THBS3: variants seen among roughly 807,000 people sequenced by gnomAD.
The protein encoded by THBS3 is thrombospondin-3.
Under a neutral mutation model 118.3 loss-of-function variants are expected in THBS3, and 78 were observed. That is an observed-to-expected ratio of 0.66 (90% CI 0.55 to 0.80). The LOEUF is 0.80. Ranked by LOEUF, THBS3 falls within the 30% of genes least tolerant of loss-of-function variation. The probability of loss-of-function intolerance (pLI) is 0.00; values close to 1 mark genes in which losing one functional copy is unlikely to be tolerated. For missense variants in THBS3, 1,057 were observed against 1,247.4 expected (o/e 0.85, Z 2.30); for synonymous variants, 427 against 475.3 (o/e 0.90, Z 1.32).
chr1:155,202,760 T>G lies in THBS3; in HGVS notation c.957+52A>C. The G allele has an allele frequency of 6.4e-7, 1 of 1,566,084 alleles. No individual in the cohort carries two copies. Among genetic ancestry groups the G allele is most frequent in the Non-Finnish European group, 8.7e-7 (1 of 1,154,568 alleles). On this transcript the variant is annotated intron_variant, in intron 8 of 22. Transcript: ENST00000368378. This position sits in a 1 kb window ranked among gnomAD's most constrained non-coding sequence, Gnocchi z 5.5. ...TTATCCCACCCTCTTGGGTGCCTCC[T>G]GACATCCTCACCCCAGTTTTCTGTA...
intron 16 of THBS3, among the ~76,000 whole-genome samples, 174 bp downstream of exon 16, chr1:155,199,630 T>C (rs1366192410): frequency 6.6e-6 from 1 of 151,814 alleles, no homozygotes; most frequent in Non-Finnish European, 1.5e-5. Flanking sequence ...AGCACATGCC[T>C]GTAATCCTAG....
intron 1 of THBS3, among the ~76,000 whole-genome samples, chr1:155,207,010 C>T (rs368736172): frequency 1.3e-5 from 2 of 152,276 alleles, no homozygotes; most frequent in East Asian, 1.9e-4. Flanking sequence ...TTTGAGATGC[C>T]CCCACCAGGT....
intron 4 of THBS3, 46 bp from the exon 5 acceptor site, chr1:155,203,585 A>G (rs767157904): frequency 6.2e-7 from 1 of 1,609,846 alleles, no homozygotes; most frequent in Admixed American, 1.7e-5. Flanking sequence ...GGTGAAGTGA[A>G]GAGAGGCCTG....
In THBS3 at chr1:155,198,483, C is replaced by A; in HGVS notation, c.2000G>T (p.Gly667Val). The A allele has an allele frequency of 6.2e-7, 1 of 1,614,152 alleles. No individual in the cohort carries two copies. Among genetic ancestry groups the A allele is most frequent in the Non-Finnish European group, 8.5e-7 (1 of 1,180,018 alleles). Residue 667 changes from glycine (G) to valine (V), a missense_variant, in exon 17 of 23, where the codon GGC (glycine) becomes GTC (valine). Around this residue, in one of 3 missense-constraint regions of THBS3, gnomAD observed 544 missense variants for 715.6 expected, o/e 0.76. Coordinates refer to ENST00000368378, the MANE Select transcript of THBS3 (RefSeq NM_007112.5). ...ACCAGGAGGCACATAATCTGGGATG[C>A]CATCATTGTCATCATCCCCATCACA... Reference protein sequence around the residue: ...DECDGDDDNDGIPDYVPPGPD... With the variant: ...DECDGDDDNDVIPDYVPPGPD...
At chr1:155,198,874 C>T in intron 16 of THBS3, 1 of 365,742 alleles carries the variant, frequency 2.7e-6, no homozygotes, top group Admixed American at 4.3e-5. Context: ...ATTCCCAGTA[C>T]TTTGGGAGGC....
chr1:155,195,712 C>T lies in THBS3; in HGVS notation c.*129G>A. On this transcript the variant is annotated 3_prime_UTR_variant, in exon 23 of 23. Transcript: ENST00000368378. Reference sequence around the variant, plus strand: ...GGGTGACCACCCCTCTGGGACTGAACTCCTTTTGGGAGCCAGAGAAGGGTC... The same window carrying T: ...GGGTGACCACCCCTCTGGGACTGAATTCCTTTTGGGAGCCAGAGAAGGGTC... 9.8e-7 allele frequency: 1 copy of T among 1,022,112 alleles called. No individual in the cohort carries two copies. Among genetic ancestry groups the T allele is most frequent in the Non-Finnish European group, 1.5e-6 (1 of 686,696 alleles). 63.3% of individuals were successfully genotyped at this position (1,022,112 alleles called of 1,614,324 possible). A position where few individuals can be genotyped will look rare whatever the true frequency, so the allele number is the denominator to read the frequency against.
chr1:155,198,180 A>G lies in THBS3; in HGVS notation c.2115T>C (p.Asn705=), dbSNP rs1669012678. 6.2e-7 allele frequency: 1 copy of G among 1,614,164 alleles called. No individual in the cohort carries two copies. Among genetic ancestry groups the G allele is most frequent in the African/African-American group, 1.3e-5 (1 of 75,062 alleles). ...CATCCAGGGGGTCGACCACAGCATC[A>G]TTGTCAAAGTCATCCTCACACACAT... ...VGDVCEDDFD[N]DAVVDPLDVC... Residue 705 remains asparagine, a synonymous_variant, in exon 18 of 23, where the codon AAT becomes AAC. Coordinates refer to ENST00000368378, the MANE Select transcript of THBS3 (RefSeq NM_007112.5).
chr1:155,198,269 T>C (rs1053571200), intron 17 of THBS3, 49 bp from the exon 18 acceptor site: 1 of 1,605,838 alleles, frequency 6.2e-7, no homozygotes, highest in African/African-American at 1.3e-5. Context: ...CCACTGCCAT[T>C]AGGCAACAAT....
In THBS3 at chr1:155,202,335, C is replaced by CA. The variant is rs759988649; in HGVS notation, c.1023dup (p.Glu342Ter). On this transcript the variant is annotated frameshift_variant, in exon 9 of 23. Coordinates refer to ENST00000368378, the MANE Select transcript of THBS3 (RefSeq NM_007112.5). LOFTEE classifies it high-confidence loss of function. This position sits in a 1 kb window ranked among gnomAD's most constrained non-coding sequence, Gnocchi z 5.5. ...CCCTTGTACCCTCGAGGACAGGCCT[C>CA]ACAGTGGAAGCCGGGCATGGTGTTG... The CA allele has an allele frequency of 6.2e-6, 10 of 1,614,020 alleles. No homozygotes were observed. Among genetic ancestry groups the CA allele is most frequent in the African/African-American group, 1.3e-5 (1 of 74,950 alleles).
In THBS3 at chr1:155,198,556, G is replaced by A. The variant is rs566983983; in HGVS notation, c.1927C>T (p.Pro643Ser). ...TCAGAGTCCAGCTGGGAGCTATTTG[G>A]CAGCTGTGGGCAGTTGTCCTTGGTG... ...QDTKDNCPQL[P>S]NSSQLDSDND... is the part of the protein sequence containing the mutation. Residue 643 changes from proline to serine, a missense_variant, in exon 17 of 23, where the codon CCA becomes TCA. Around this residue, in one of 3 missense-constraint regions of THBS3, gnomAD observed 544 missense variants for 715.6 expected, o/e 0.76. Coordinates refer to ENST00000368378, the MANE Select transcript of THBS3 (RefSeq NM_007112.5). 4 of 1,614,210 alleles carry A rather than the reference G, an allele frequency of 2.5e-6. No individual in the cohort carries two copies. The South Asian group carries it at 4.4e-5, about 18-fold the overall frequency.
Position 155,202,854 on chromosome 1 carries a change from A to G in THBS3, c.915T>C (p.Pro305=), listed in dbSNP as rs1557870529. The G allele has an allele frequency of 6.2e-7, 1 of 1,613,554 alleles. No individual in the cohort carries two copies. The highest frequency in any genetic ancestry group is 8.5e-7 in the Non-Finnish European group (1 of 1,179,966). ...AGTGGGTGCCGTTGCCCTGCAGGCC[A>G]GGGGGGCAGGGCCCACAGCGGTAGC... is the stretch of plus-strand genomic sequence containing the variant. ...YPGYRCGPCP[P]GLQGNGTHCS... is the part of the protein sequence containing the mutation. Residue 305 remains proline (P), a synonymous_variant, in exon 8 of 23, where the codon CCT becomes CCC. Transcript: ENST00000368378. This position sits in a 1 kb window ranked among gnomAD's most constrained non-coding sequence, Gnocchi z 5.5.
At chr1:155,208,849 C>A, upstream of THBS3, 1 of 1,597,120 alleles carries the variant, frequency 6.3e-7, no homozygotes, top group East Asian at 2.3e-5. Flanking sequence ...CGGGGACGAG[C>A]CCCAAGGGGC....
rs1444351687 is a variant in THBS3, at chr1:155,202,150, G to A, written c.1098+111C>T. The A allele has an allele frequency of 4.6e-5, 73 of 1,597,882 alleles. No individual in the cohort carries two copies. The highest frequency in any genetic ancestry group is 5.9e-5 in the Non-Finnish European group (69 of 1,170,310). On this transcript the variant is annotated intron_variant, in intron 9 of 22. Transcript: ENST00000368378. The surrounding 1 kb of genome is among the most constrained non-coding windows in gnomAD (Gnocchi z 5.5). Reference sequence around the variant, plus strand: ...CAACATTAAGCCCAGACCCAAAGCCGATGCAAAGCCATCCATGTCCCATTC... The same window carrying A: ...CAACATTAAGCCCAGACCCAAAGCCAATGCAAAGCCATCCATGTCCCATTC...
upstream of THBS3, chr1:155,208,639 G>A (rs1571939977): frequency 5.6e-6 from 4 of 711,834 alleles, no homozygotes; most frequent in Admixed American, 1.2e-4. Flanking sequence ...AAGCAGAGGG[G>A]CGCCTGAGTT....
chr1:155,199,904 A>G, intron 15 of THBS3, 48 bp from the exon 16 acceptor site: 1 of 1,613,724 alleles, frequency 6.2e-7, no homozygotes, highest in Non-Finnish European at 8.5e-7. Flanking sequence ...ATAACTCTGA[A>G]GAGGGTGATC....
At position 155,202,104 on chromosome 1, in the gene THBS3, T is replaced by G; in HGVS notation, c.1099-70A>C. 1 of 1,612,878 alleles carries G rather than the reference T, an allele frequency of 6.2e-7. No individual in the cohort carries two copies. The highest frequency in any genetic ancestry group is 8.5e-7 in the Non-Finnish European group (1 of 1,179,298). ...CCTCAGATACAGCAGAGGACACTGGTATGGCCTTATCTGTGAACATCAACA... is the reference window on the plus strand; with the variant it reads ...CCTCAGATACAGCAGAGGACACTGGGATGGCCTTATCTGTGAACATCAACA... On this transcript the variant is annotated intron_variant, in intron 9 of 22. Transcript: ENST00000368378. The surrounding 1 kb of genome is among the most constrained non-coding windows in gnomAD (Gnocchi z 5.5).
chr1:155,195,881 A>G lies in THBS3; in HGVS notation c.2831T>C (p.Phe944Ser), dbSNP rs189078335. 2.0e-5 allele frequency: 33 copies of G among 1,614,046 alleles called. No individual in the cohort carries two copies. In the East Asian group the frequency reaches 6.5e-4, roughly 32 times the overall value. ...YRCNDTVPED[F>S]EPFRRQLLQG... ...GAGCAGCTGCCTCCGGAATGGCTCA[A>G]AGTCCTCAGGCACTGTGTCTGAAGA... The change falls in exon 23 of 23, where the codon TTT becomes TCT. Residue 944 changes from phenylalanine to serine, a missense_variant. Around this residue, in one of 3 missense-constraint regions of THBS3, gnomAD observed 307 missense variants for 326.1 expected, o/e 0.94. Coordinates refer to ENST00000368378, the MANE Select transcript of THBS3 (RefSeq NM_007112.5).
In THBS3 at chr1:155,201,519, G is replaced by A. The variant is rs1557866837; in HGVS notation, c.1227C>T (p.Ser409=). 1.9e-6 allele frequency: 3 copies of A among 1,614,082 alleles called. No individual in the cohort carries two copies. The highest frequency in any genetic ancestry group is 2.5e-6 in the Non-Finnish European group (3 of 1,179,982). The change falls in exon 11 of 23, where the codon AGC becomes AGT. Residue 409 remains serine, a synonymous_variant. Coordinates refer to ENST00000368378, the MANE Select transcript of THBS3 (RefSeq NM_007112.5). ...PCRLGFLGNQ[S]QGCLPARTCH... ...AGGTCCGGGCTGGGAGGCAGCCCTG[G>A]CTCTGGTTGCCCAGGAAACCCAGGC...
At chr1:155,205,000 C>A (rs775877454) in intron 3 of THBS3, 43 bp from the exon 4 acceptor site, 5 of 1,613,158 alleles carry the variant, frequency 3.1e-6, no homozygotes, top group Non-Finnish European at 4.2e-6. Context: ...GTCTACCAAC[C>A]CCTTCCCCAG....
Sources: gnomAD v4.1 joint callset for allele counts (sites outside exome capture counted in the v4.1 genomes callset) on GRCh38, gnomAD v4.1.1 for gene constraint, gnomAD v4.1.1 regional missense constraint, Gnocchi (gnomAD v3.1) non-coding constraint, MANE v1.5 for transcripts, NCBI Gene and HGNC (gene_info 2026-07-23, HGNC 2026-07-21) for gene names.